Variants in LRP12 observed in about 807,000 individuals in gnomAD.
LRP12 encodes the protein low-density lipoprotein receptor-related protein 12.
In LRP12, 14 loss-of-function variants were observed where a neutral mutation model predicts 66.0. That is an observed-to-expected ratio of 0.21 (90% CI 0.14 to 0.33). The LOEUF is 0.33. Among genes scored for constraint, LRP12 ranks in the 10% least tolerant of loss-of-function variants. The pLI is 1.00. For synonymous variants in LRP12, 357 were observed against 359.1 expected (o/e 0.99, Z 0.07); for missense variants, 889 against 1,053.4 (o/e 0.84, Z 2.16).
intron 1 of LRP12, among the ~76,000 whole-genome samples, chr8:104,569,122 T>C (rs1564147429): frequency 6.6e-6 from 1 of 152,144 alleles, no homozygotes; most frequent in Non-Finnish European, 1.5e-5. Flanking sequence ...TGCTATGACA[T>C]GAATAAGCCA....
At chr8:104,522,288 G>A (rs1811163864) in intron 2 of LRP12, among the ~76,000 whole-genome samples, 1 of 152,020 alleles carries the variant, frequency 6.6e-6, no homozygotes, top group Admixed American at 6.6e-5. Context: ...AGGCATACAG[G>A]ATTAGCAATG....
chr8:104,581,852 T>C (rs1019404621), intron 1 of LRP12, among the ~76,000 whole-genome samples: 3 of 152,180 alleles, frequency 2.0e-5, no homozygotes, highest in African/African-American at 7.2e-5. Flanking sequence ...AATACCTACC[T>C]CACACAATGA....
In LRP12 at chr8:104,586,416, T is replaced by A. The variant is rs576553235; in HGVS notation, c.79+2403A>T. On this transcript the variant is annotated intron_variant, in intron 1 of 6. Coordinates refer to ENST00000276654, the MANE Select transcript of LRP12 (RefSeq NM_013437.5). Reference sequence around the variant, plus strand: ...TTGGAGTTCCCTAAATATTGGCCAATCAACCTGCTTTTCTTTGTTAACAGT... The same window carrying A: ...TTGGAGTTCCCTAAATATTGGCCAAACAACCTGCTTTTCTTTGTTAACAGT... Among the ~76,000 whole-genome samples, 98 of 152,362 alleles carry A rather than the reference T, an allele frequency of 6.4e-4. 1 individual carries two copies. Among genetic ancestry groups the A allele is most frequent in the Non-Finnish European group, 1.0e-3 (69 of 68,030 alleles).
At chr8:104,548,689 G>A (rs1481624671) in intron 1 of LRP12, among the ~76,000 whole-genome samples, 2 of 85,406 alleles carry the variant, frequency 2.3e-5, no homozygotes, top group African/African-American at 4.9e-5. Context: ...AGTGGCTCAC[G>A]CCTGTAATCC....
At chr8:104,503,649 C>G (rs1810865250) in intron 3 of LRP12, among the ~76,000 whole-genome samples, 1 of 151,980 alleles carries the variant, frequency 6.6e-6, no homozygotes, top group Non-Finnish European at 1.5e-5. Context: ...AGAAATTGAT[C>G]TTATGTTGAT....
chr8:104,552,462 G>T (rs1200824806), intron 1 of LRP12, among the ~76,000 whole-genome samples: 1 of 151,672 alleles, frequency 6.6e-6, no homozygotes, highest in Non-Finnish European at 1.5e-5. Context: ...CTGAGGTTGG[G>T]AGTTCGAGAC....
chr8:104,588,397 T>C (rs1317651090), intron 1 of LRP12, among the ~76,000 whole-genome samples: 1 of 151,872 alleles, frequency 6.6e-6, no homozygotes, highest in Non-Finnish European at 1.5e-5. Flanking sequence ...TAACCCCGGG[T>C]TGAGGGGGCG....
intron 2 of LRP12, among the ~76,000 whole-genome samples, chr8:104,509,596 A>G (rs563053688): frequency 2.6e-4 from 40 of 152,186 alleles, no homozygotes; most frequent in Non-Finnish European, 4.1e-4. Flanking sequence ...TTTTGCCATT[A>G]TGAATGGCCT....
At chr8:104,565,586 G>A (rs1006064760) in intron 1 of LRP12, among the ~76,000 whole-genome samples, 1 of 152,060 alleles carries the variant, frequency 6.6e-6, no homozygotes, top group Non-Finnish European at 1.5e-5. Flanking sequence ...CAGGCCGGGC[G>A]CGGTGGCTCA....
At chr8:104,578,069 C>T (rs867463258) in intron 1 of LRP12, among the ~76,000 whole-genome samples, 1 of 150,930 alleles carries the variant, frequency 6.6e-6, no homozygotes, top group Admixed American at 6.6e-5. Flanking sequence ...CTGAAGGAGA[C>T]TGAGATGCAA....
chr8:104,521,052 A>C (rs1811141262), intron 2 of LRP12, among the ~76,000 whole-genome samples: 1 of 152,000 alleles, frequency 6.6e-6, no homozygotes, highest in South Asian at 2.1e-4. Flanking sequence ...GTGCTGTTCT[A>C]ATGCTGGAGT....
At chr8:104,585,261 C>T (rs1044173284) in intron 1 of LRP12, among the ~76,000 whole-genome samples, 1 of 152,174 alleles carries the variant, frequency 6.6e-6, no homozygotes, top group African/African-American at 2.4e-5. Flanking sequence ...GAGTTTCACT[C>T]GTCACCCAGG....
In LRP12 at chr8:104,489,951, T is replaced by C. The variant is rs559583017; in HGVS notation, c.*722A>G. The C allele has an allele frequency of 2.6e-5, 4 of 152,756 alleles. No homozygotes were observed. Among genetic ancestry groups the C allele is most frequent in the African/African-American group, 9.6e-5 (4 of 41,584 alleles). The allele number at this position is 152,756 out of a possible 1,614,324, so 9.5% of individuals were successfully genotyped here. On this transcript the variant is annotated 3_prime_UTR_variant, in exon 7 of 7. Transcript: ENST00000276654. ...GAATATCTTCATCCACTTAATTCTG[T>C]TGCTAAATAGAGATGAAAAAAGAAA...
intron 1 of LRP12, among the ~76,000 whole-genome samples, chr8:104,562,721 T>C (rs528252985): frequency 6.6e-6 from 1 of 152,172 alleles, no homozygotes; most frequent in Non-Finnish European, 1.5e-5. Flanking sequence ...AAATTGTCTT[T>C]TGTCCATCTA....
intron 2 of LRP12, among the ~76,000 whole-genome samples, chr8:104,513,358 G>A (rs1811024474): frequency 6.6e-6 from 1 of 152,080 alleles, no homozygotes; most frequent in Admixed American, 6.6e-5. Flanking sequence ...GTTGAAATAC[G>A]GAGTTGCTAT....
chr8:104,500,049 G>C (rs368494522), intron 3 of LRP12, among the ~76,000 whole-genome samples: 24 of 152,292 alleles, frequency 1.6e-4, no homozygotes, highest in Admixed American at 3.3e-4. Context: ...TTGGTGAAAA[G>C]TCCTTGAGTT....
intron 2 of LRP12, among the ~76,000 whole-genome samples, chr8:104,511,772 T>C (rs1015078271): frequency 6.6e-6 from 1 of 152,164 alleles, no homozygotes; most frequent in Non-Finnish European, 1.5e-5. Context: ...GGGTCTGCCC[T>C]GGAATTAGGG....
Position 104,497,046 on chromosome 8 carries a change from G to A in LRP12, c.1506C>T (p.Leu502=). 1 of 1,601,526 alleles carries A rather than the reference G, an allele frequency of 6.2e-7. No individual in the cohort carries two copies. The highest frequency in any genetic ancestry group is 8.5e-7 in the Non-Finnish European group (1 of 1,174,032). The change falls in exon 5 of 7, where the codon CTC becomes CTT. Residue 502 remains leucine (L), a synonymous_variant. Transcript: ENST00000276654. The surrounding 1 kb of genome is among the most constrained non-coding windows in gnomAD (Gnocchi z 4.3). The part of the protein sequence containing the change: ...RVITAAVIGS[L]ICGLLLVIAL... The stretch of plus-strand genomic sequence containing the variant: ...CTATGACGAGTAACAGGCCACAGAT[G>A]AGGCTCCCTATGACGGCAGCAGTGA...
chr8:104,536,505 C>T (rs776005615), intron 1 of LRP12, among the ~76,000 whole-genome samples: 5 of 152,000 alleles, frequency 3.3e-5, no homozygotes, highest in Admixed American at 6.6e-5. Context: ...TAGTACAAAA[C>T]ATAACACATA....
Sources: gnomAD v4.1 joint callset for allele counts (sites outside exome capture counted in the v4.1 genomes callset) on GRCh38, gnomAD v4.1.1 for gene constraint, Gnocchi (gnomAD v3.1) non-coding constraint, MANE v1.5 for transcripts, NCBI Gene and HGNC (gene_info 2026-07-23, HGNC 2026-07-21) for gene names.